Variants in STRN observed in about 807,000 individuals in gnomAD.
STRN encodes striatin.
A neutral mutation model predicts 96.3 loss-of-function variants in STRN; 53 were observed. That is an observed-to-expected ratio of 0.55 (90% CI 0.44 to 0.69). The LOEUF is 0.69. Among genes scored for constraint, STRN ranks in the 30% least tolerant of loss-of-function variants. The pLI is 0.00. For synonymous variants in STRN, 428 were observed against 355.9 expected, an observed-to-expected ratio of 1.20 and a Z score of -2.28; for missense variants, 987 against 963.9, an observed-to-expected ratio of 1.02 and a Z score of -0.32.
At chr2:36,885,339 A>T (rs1226576392) in intron 8 of STRN, among the ~76,000 whole-genome samples, 1 of 152,182 alleles carries the variant, frequency 6.6e-6, no homozygotes, top group Non-Finnish European at 1.5e-5. Flanking sequence ...ACATTAAGTT[A>T]ATCTGGAAAT....
intron 2 of STRN, among the ~76,000 whole-genome samples, chr2:36,921,122 T>C (rs555034673): frequency 1.3e-5 from 2 of 152,100 alleles, no homozygotes; most frequent in East Asian, 3.9e-4. Context: ...TCTCCCCACT[T>C]CATCCTTCTC....
intron 4 of STRN, among the ~76,000 whole-genome samples, chr2:36,904,482 C>G (rs1013446347): frequency 2.6e-5 from 4 of 152,156 alleles, no homozygotes; most frequent in African/African-American, 9.7e-5. Flanking sequence ...ATCAGAACCT[C>G]AACCCATCAT....
intron 3 of STRN, among the ~76,000 whole-genome samples, chr2:36,914,647 G>A (rs1670044621): frequency 6.6e-6 from 1 of 152,088 alleles, no homozygotes; most frequent in African/African-American, 2.4e-5. Context: ...TATAAAATTG[G>A]CAGTACATTT....
chr2:36,845,181 C>G lies in STRN; in HGVS notation c.*4275G>C, dbSNP rs887490756. The G allele has an allele frequency of 6.6e-6, 1 of 152,112 alleles. No individual in the cohort carries two copies. Among genetic ancestry groups the G allele is most frequent in the Non-Finnish European group, 1.5e-5 (1 of 68,002 alleles). The allele number at this position is 152,112 out of a possible 1,614,324, so 9.4% of individuals were successfully genotyped here. ...ATTTGGCTATTGGTTGAAAACATCA[C>G]ACAGACAGACACCAACCAAAGATTC... On this transcript the variant is annotated 3_prime_UTR_variant, in exon 18 of 18. Coordinates refer to ENST00000263918, the MANE Select transcript of STRN (RefSeq NM_003162.4).
intron 7 of STRN, among the ~76,000 whole-genome samples, chr2:36,888,380 G>A (rs1448042926): frequency 6.6e-6 from 1 of 152,066 alleles, no homozygotes; most frequent in African/African-American, 2.4e-5. Flanking sequence ...TCTCACCACT[G>A]GTCTACATGG....
At chr2:36,916,423 T>C (rs1342292618) in intron 2 of STRN, among the ~76,000 whole-genome samples, 1 of 151,908 alleles carries the variant, frequency 6.6e-6, no homozygotes, top group Non-Finnish European at 1.5e-5. Context: ...ATGAACGATA[T>C]AACATCCTGG....
rs188543571 is a variant in STRN, at chr2:36,888,463, A to G, written c.932-1637T>C. 1.6e-4 allele frequency among the ~76,000 whole-genome samples: 24 copies of G among 152,160 alleles called. No homozygotes were observed. The East Asian group carries it at 4.4e-3, about 28-fold the overall frequency. ...CTGCTCTAGCCACTCTGGCTCCCTT[A>G]AATTTCTCAGGCATGCCAGGGATGC... is the stretch of plus-strand genomic sequence containing the variant. On this transcript the variant is annotated intron_variant, in intron 7 of 17. Coordinates refer to ENST00000263918, the MANE Select transcript of STRN (RefSeq NM_003162.4).
chr2:36,861,695 G>T (rs1469255081), intron 12 of STRN, among the ~76,000 whole-genome samples: 20 of 149,584 alleles, frequency 1.3e-4, no homozygotes, highest in Admixed American at 1.3e-3. Context: ...TCCTTAAACA[G>T]AAACAGAAAA....
chr2:36,963,812 C>G (rs1027192559), intron 1 of STRN, among the ~76,000 whole-genome samples: 8 of 151,952 alleles, frequency 5.3e-5, no homozygotes, highest in Admixed American at 6.6e-5. Context: ...CAAAAATAAG[C>G]CAGGCATGGT....
At chr2:36,953,402 CTTTT>C (rs58389468) in intron 1 of STRN, among the ~76,000 whole-genome samples, 3 of 135,200 alleles carry the variant, frequency 2.2e-5, no homozygotes, top group Non-Finnish European at 1.6e-5. Flanking sequence ...AGATAAGGTC[CTTTT>C]TTTTTTTTTT....
Position 36,916,107 on chromosome 2 carries a change from C to G in STRN, c.383G>C (p.Gly128Ala). 1 of 1,613,596 alleles carries G rather than the reference C, an allele frequency of 6.2e-7. No homozygotes were observed. Among genetic ancestry groups the G allele is most frequent in the Non-Finnish European group, 8.5e-7 (1 of 1,179,830 alleles). The change falls in exon 3 of 18, where the codon GGA becomes GCA. Residue 128 changes from glycine (G) to alanine (A), a missense_variant. Physicochemically the swap from Gly to Ala is moderately conservative, Grantham distance 60. Coordinates refer to ENST00000263918, the MANE Select transcript of STRN (RefSeq NM_003162.4). ...KLKYGTELNQGDMKPPSYDSD... is the reference protein window; with the variant it reads ...KLKYGTELNQADMKPPSYDSD... ...ATCATAGCTTGGAGGCTTCATATCT[C>G]CCTGATTCAATTCTGTCCCGTATTT...
rs1669696747 is a variant in STRN at position 36,902,050 on chromosome 2, G to GT, written c.659+533dup. Among the ~76,000 whole-genome samples, 2 of 152,098 alleles carry GT rather than the reference G, an allele frequency of 1.3e-5. 1 individual carries two copies. Among genetic ancestry groups the GT allele is most frequent in the South Asian group, 4.1e-4 (2 of 4,822 alleles). ...ATGATTATTTTAAGTAGAATCATAT[G>GT]TAATTGTATGATACATAATCCAAAA... On this transcript the variant is annotated intron_variant, in intron 5 of 17. Transcript: ENST00000263918.
intron 6 of STRN, among the ~76,000 whole-genome samples, chr2:36,896,014 A>G: frequency 6.6e-6 from 1 of 152,116 alleles, no homozygotes; most frequent in Non-Finnish European, 1.5e-5. Context: ...ATATTGCCTA[A>G]TCTACCTTCT....
intron 9 of STRN, among the ~76,000 whole-genome samples, chr2:36,883,246 G>C (rs764983524): frequency 6.6e-6 from 1 of 152,176 alleles, no homozygotes; most frequent in Non-Finnish European, 1.5e-5. Context: ...CTTGAGGTCA[G>C]GAATTCGAGG....
chr2:36,933,057 T>C (rs1448452681), intron 1 of STRN, among the ~76,000 whole-genome samples: 3 of 126,500 alleles, frequency 2.4e-5, no homozygotes, highest in Non-Finnish European at 3.4e-5. Context: ...TTTTTTTTAA[T>C]TTACACACAC....
At chr2:36,948,990 A>G (rs568179750) in intron 1 of STRN, among the ~76,000 whole-genome samples, 1 of 152,382 alleles carries the variant, frequency 6.6e-6, no homozygotes, top group African/African-American at 2.4e-5. Context: ...GTGTTGAACA[A>G]TGACACTTCA....
rs574699654 is a variant in STRN, at chr2:36,919,053, T to C, written c.339-2902A>G. 3.3e-5 allele frequency among the ~76,000 whole-genome samples: 5 copies of C among 152,342 alleles called. No homozygotes were observed. In the South Asian group the frequency reaches 8.3e-4, roughly 25 times the overall value. On this transcript the variant is annotated intron_variant, in intron 2 of 17. Coordinates refer to ENST00000263918, the MANE Select transcript of STRN (RefSeq NM_003162.4). The stretch of plus-strand genomic sequence containing the variant: ...TTAGCTTTGTTTCAAAGCCTATTAT[T>C]ATACATATTATGCTAGGAGTATAAC...
chr2:36,877,226 T>C (rs1668937939), intron 10 of STRN, among the ~76,000 whole-genome samples: 1 of 152,164 alleles, frequency 6.6e-6, no homozygotes, highest in African/African-American at 2.4e-5. Context: ...TATTGACTAG[T>C]GTACTAAAGA....
rs1670381434 is a variant in STRN at position 36,925,327 on chromosome 2, T to C, written c.235-119A>G. The C allele has an allele frequency of 4.5e-6, 3 of 666,002 alleles. No homozygotes were observed. The South Asian group carries it at 5.8e-5, about 13-fold the overall frequency. 41.3% of individuals were successfully genotyped at this position (666,002 alleles called of 1,614,324 possible). On this transcript the variant is annotated intron_variant, in intron 1 of 17. Transcript: ENST00000263918. ...ATGCAAAAATATTTCCTTTACACATTTCTCACAAAGTATGTACAAATATAA... is the reference window on the plus strand; with the variant it reads ...ATGCAAAAATATTTCCTTTACACATCTCTCACAAAGTATGTACAAATATAA...
Sources: allele counts gnomAD v4.1 joint callset (sites outside exome capture counted in the v4.1 genomes callset), GRCh38; gene constraint gnomAD v4.1.1; transcripts MANE v1.5; gene names NCBI Gene and HGNC (gene_info 2026-07-23, HGNC 2026-07-21).